The following PRKG2 variants were observed in gnomAD, a reference collection of about 807,000 sequenced individuals.
The protein encoded by PRKG2 is cGMP-dependent protein kinase 2.
A neutral mutation model predicts 97.2 loss-of-function variants in PRKG2; 33 were observed. The ratio of observed to expected loss-of-function variants is 0.34; its 90% confidence interval spans 0.26 to 0.45. The LOEUF (loss-of-function observed/expected upper bound fraction) is 0.45. Among genes scored for constraint, PRKG2 ranks in the 20% least tolerant of loss-of-function variants. The pLI, the probability that PRKG2 is intolerant of heterozygous loss-of-function variation, is 1.00. For missense variants in PRKG2, 638 were observed against 900.0 expected, an observed-to-expected ratio of 0.71 and a Z score of 3.73; for synonymous variants, 330 against 321.8, an observed-to-expected ratio of 1.03 and a Z score of -0.27.
chr4:81,165,701 G>T (rs1312199159), intron 6 of PRKG2, among the ~76,000 whole-genome samples: 1 of 152,082 alleles, frequency 6.6e-6, no homozygotes, highest in Non-Finnish European at 1.5e-5. Context: ...CCTTTCCAGG[G>T]TGTTTGAAAA....
rs369258395 is a variant in PRKG2 at position 81,133,646 on chromosome 4, T to C, written c.1776+1509A>G. 3.3e-5 allele frequency among the ~76,000 whole-genome samples: 5 copies of C among 152,298 alleles called. No homozygotes were observed. The East Asian group carries it at 7.7e-4, about 24-fold the overall frequency. On this transcript the variant is annotated intron_variant, in intron 14 of 18. Coordinates refer to ENST00000264399, the MANE Select transcript of PRKG2 (RefSeq NM_006259.3). ...GAGGATTTCAAGGTACATAGTTTAA[T>C]TCATAGCTAGAAATTGAAATATTTA...
At chr4:81,139,781 C>CAAAAAAA (rs548249378) in intron 12 of PRKG2, among the ~76,000 whole-genome samples, 61 of 75,152 alleles carry the variant, frequency 8.1e-4, no homozygotes, top group Non-Finnish European at 1.1e-3. Flanking sequence ...TCTCAAAAGA[C>CAAAAAAA]AAAAAAAAAA....
chr4:81,169,372 CAATT>C (rs1256858019), intron 5 of PRKG2, among the ~76,000 whole-genome samples: 1 of 152,160 alleles, frequency 6.6e-6, no homozygotes, highest in Admixed American at 6.6e-5. Context: ...CTGAGCAACC[CAATT>C]AATAATTTAG....
chr4:81,147,590 T>G (rs1747983020), intron 9 of PRKG2, among the ~76,000 whole-genome samples: 1 of 152,156 alleles, frequency 6.6e-6, no homozygotes, highest in Non-Finnish European at 1.5e-5. Flanking sequence ...TTGACCACTT[T>G]ACTGCATAGT....
chr4:81,189,405 TA>T (rs1382871446), intron 2 of PRKG2, among the ~76,000 whole-genome samples: 5 of 133,956 alleles, frequency 3.7e-5, no homozygotes, highest in Admixed American at 3.5e-4. Context: ...ATGTGGCACA[TA>T]TACACCATGG....
In PRKG2 at chr4:81,108,477, GT is replaced by G. The variant is rs58784804; in HGVS notation, c.1940+1970del. Among the ~76,000 whole-genome samples the G allele has an allele frequency of 9.1e-3, 1,260 of 138,628 alleles. 7 individuals carry two copies. Among genetic ancestry groups the G allele is most frequent in the Admixed American group, 0.017 (235 of 13,698 alleles). 90.9% of individuals were successfully genotyped at this position (138,628 alleles called of 152,430 possible). ...ACTTATTTATATATTAACACTATTGGTTTTTTTTTTTTTTTTAATTTTCATT... is the reference window on the plus strand; with the variant it reads ...ACTTATTTATATATTAACACTATTGGTTTTTTTTTTTTTTTAATTTTCATT... On this transcript the variant is annotated intron_variant, in intron 15 of 18. Transcript: ENST00000264399.
chr4:81,135,483 G>A (rs1578399745), intron 13 of PRKG2, among the ~76,000 whole-genome samples, 187 bp from the exon 14 acceptor site: 1 of 152,262 alleles, frequency 6.6e-6, no homozygotes, highest in East Asian at 1.9e-4. Flanking sequence ...AATTCAGGGA[G>A]ATATGTGATA....
chr4:81,114,069 C>T (rs1423795970), intron 14 of PRKG2, among the ~76,000 whole-genome samples: 8 of 151,748 alleles, frequency 5.3e-5, no homozygotes, highest in African/African-American at 1.9e-4. Context: ...ACTTGCATAC[C>T]CCAGGACAAA....
intron 14 of PRKG2, among the ~76,000 whole-genome samples, chr4:81,126,052 C>T (rs564286294): frequency 3.3e-5 from 5 of 152,224 alleles, no homozygotes; most frequent in African/African-American, 9.6e-5. Flanking sequence ...CAACAGGCCC[C>T]GGTGTGTGAT....
chr4:81,184,468 C>T (rs1255821143), intron 2 of PRKG2, among the ~76,000 whole-genome samples: 3 of 152,132 alleles, frequency 2.0e-5, no homozygotes, highest in African/African-American at 7.2e-5. Context: ...TGGATGCCCA[C>T]ACAGAAACCC....
chr4:81,186,598 C>A (rs950859892), intron 2 of PRKG2, among the ~76,000 whole-genome samples: 1 of 151,942 alleles, frequency 6.6e-6, no homozygotes, highest in Admixed American at 6.6e-5. Flanking sequence ...CAAAAGCTAG[C>A]AGAAGACAAG....
At chr4:81,201,162 G>A (rs1753286889) in intron 2 of PRKG2, among the ~76,000 whole-genome samples, 1 of 152,204 alleles carries the variant, frequency 6.6e-6, no homozygotes. Context: ...GTATTCAGTA[G>A]AGTAGGCAAT....
intron 6 of PRKG2, among the ~76,000 whole-genome samples, chr4:81,159,803 T>C (rs1320698115): frequency 1.3e-5 from 2 of 151,922 alleles, no homozygotes; most frequent in Non-Finnish European, 2.9e-5. Context: ...GTTCATGTCC[T>C]TTGTAGGGAC....
chr4:81,177,318 T>TAGAC (rs1560605582), intron 2 of PRKG2, among the ~76,000 whole-genome samples: 2 of 152,248 alleles, frequency 1.3e-5, no homozygotes, highest in African/African-American at 4.8e-5. Context: ...ACTTGGTGTA[T>TAGAC]AGACATATTG....
Position 81,153,677 on chromosome 4 carries a change from T to TTCC in PRKG2, c.954_956dup (p.Glu319dup). The TTCC allele has an allele frequency of 6.2e-7, 1 of 1,604,388 alleles. No homozygotes were observed. The highest frequency in any genetic ancestry group is 8.5e-7 in the Non-Finnish European group (1 of 1,171,192). On this transcript the variant is annotated inframe_insertion, in exon 7 of 19. Transcript: ENST00000264399. The stretch of plus-strand genomic sequence containing the variant: ...TTGCCAAAATGAAAAAGGTACTTCC[T>TTCC]TCCTCGCCCTCTCTAATGATGTAAT...
Position 81,174,912 on chromosome 4 carries a change from T to C in PRKG2, c.509A>G (p.Lys170Arg). The change falls in exon 3 of 19, where the codon AAA (lysine) becomes AGA (arginine). Residue 170 changes from lysine to arginine, a missense_variant. By Grantham distance (26) the Lys-to-Arg change is conservative. Around this residue, in one of 3 missense-constraint regions of PRKG2, gnomAD observed 332 missense variants for 421.7 expected, o/e 0.79. Transcript: ENST00000264399. ...TTTGATCTGCTGAGGATCCAGTCTT[T>C]TCAGAAACTGATTTTTATTAAGGGC... ...TDALNKNQFL[K>R]RLDPQQIKDM... 1 of 1,612,788 alleles carries C rather than the reference T, an allele frequency of 6.2e-7. No individual in the cohort carries two copies.
At position 81,089,897 on chromosome 4, in the gene PRKG2, T is replaced by G. The variant is rs1741380920; in HGVS notation, c.2194-94A>C. On this transcript the variant is annotated intron_variant, in intron 18 of 18. Coordinates refer to ENST00000264399, the MANE Select transcript of PRKG2 (RefSeq NM_006259.3). Reference sequence around the variant, plus strand: ...TGTTTTTTATTTCAGAACACTGATTTCATACTGCAGCCACTTGGAAGTTAC... The same window carrying G: ...TGTTTTTTATTTCAGAACACTGATTGCATACTGCAGCCACTTGGAAGTTAC... 8.9e-6 allele frequency: 9 copies of G among 1,011,298 alleles called. No homozygotes were observed. In the South Asian group the frequency reaches 1.1e-4, roughly 12 times the overall value. 62.6% of individuals were successfully genotyped at this position (1,011,298 alleles called of 1,614,324 possible). A position where few individuals can be genotyped will look rare whatever the true frequency, so the allele number is the denominator to read the frequency against.
chr4:81,152,037 G>A lies in PRKG2; in HGVS notation c.1008C>T (p.Ser336=), dbSNP rs1230364527. 12 of 1,611,870 alleles carry A rather than the reference G, an allele frequency of 7.4e-6. No individual in the cohort carries two copies. Among genetic ancestry groups the A allele is most frequent in the Non-Finnish European group, 9.3e-6 (11 of 1,178,768 alleles). Residue 336 remains serine (S), a synonymous_variant, in exon 8 of 19, where the codon AGC becomes AGT. Transcript: ENST00000264399. ...GCTGTGGTTGATCATGGCCTTCTGT[G>A]CTCTGTGTTACTTTTACCTAAACAA... ...LAKGKVKVTQ[S]TEGHDQPQLI...
At chr4:81,115,789 T>G (rs2028645) in intron 14 of PRKG2, among the ~76,000 whole-genome samples, 36,005 of 152,112 alleles carry the variant, frequency 0.24, 5,688 homozygotes, top group East Asian at 0.46. Flanking sequence ...CCAGAAGAGA[T>G]AAAAAGCCAT....
Sources: gnomAD v4.1 joint callset for allele counts (sites outside exome capture counted in the v4.1 genomes callset) on GRCh38, gnomAD v4.1.1 for gene constraint, gnomAD v4.1.1 regional missense constraint, MANE v1.5 for transcripts, NCBI Gene and HGNC (gene_info 2026-07-23, HGNC 2026-07-21) for gene names.